Variants in VRK2 observed in about 807,000 individuals in gnomAD.
VRK2 encodes the protein VRK serine/threonine kinase 2, also known as serine/threonine-protein kinase VRK2.
VRK2 carries 60 observed loss-of-function variants against 57.6 expected under a neutral mutation model. That is an observed-to-expected ratio of 1.04 (90% confidence interval 0.85 to 1.29). VRK2 has a LOEUF of 1.29. Among genes scored for constraint, VRK2 ranks in the 50% most tolerant of loss-of-function variants. The pLI is 0.00. For missense variants in VRK2, 705 were observed against 588.1 expected, an observed-to-expected ratio of 1.20 and a Z score of -2.06; for synonymous variants, 231 against 199.2, an observed-to-expected ratio of 1.16 and a Z score of -1.35.
upstream of VRK2, among the ~76,000 whole-genome samples, chr2:58,042,400 G>A (rs532737326): frequency 1.2e-4 from 19 of 152,248 alleles, no homozygotes; most frequent in Middle Eastern, 3.4e-3. Flanking sequence ...GCTGTTTAGA[G>A]ATTGTAAGTT....
At chr2:57,958,369 A>T (rs1358604643) in intron 1 of VRK2, among the ~76,000 whole-genome samples, 3 of 151,828 alleles carry the variant, frequency 2.0e-5, no homozygotes, top group Non-Finnish European at 4.4e-5. Context: ...GTCCCAGTTA[A>T]TTTGACAGCT....
At chr2:58,124,949 G>C (rs567216646) in intron 8 of VRK2, among the ~76,000 whole-genome samples, 2 of 152,186 alleles carry the variant, frequency 1.3e-5, no homozygotes, top group African/African-American at 4.8e-5. Context: ...AGAATTTAAA[G>C]ATAATATGGG....
At chr2:58,068,267 T>G (rs553192050) in intron 2 of VRK2, among the ~76,000 whole-genome samples, 21 of 152,206 alleles carry the variant, frequency 1.4e-4, no homozygotes, top group Non-Finnish European at 2.8e-4. Context: ...TGCTGACCAT[T>G]AATTCTCTTT....
intron 12 of VRK2, among the ~76,000 whole-genome samples, chr2:58,151,728 C>CTTAAATTTTTTT (rs1558707936): frequency 1.5e-4 from 1 of 6,480 alleles, no homozygotes; most frequent in Non-Finnish European, 3.2e-4. Flanking sequence ...TGCTTCTATG[C>CTTAAATTTTTTT]TTGTTTTTTT....
chr2:58,037,661 A>G (rs912235363), intron 3 of VRK2, among the ~76,000 whole-genome samples: 3 of 152,148 alleles, frequency 2.0e-5, no homozygotes, highest in African/African-American at 7.2e-5. Context: ...ATTCATATCT[A>G]AGGAGATATT....
At chr2:57,932,052 G>A (rs954736830) in intron 1 of VRK2, among the ~76,000 whole-genome samples, 1 of 152,068 alleles carries the variant, frequency 6.6e-6, no homozygotes, top group Non-Finnish European at 1.5e-5. Context: ...CAAGAAGTGT[G>A]ATGCCTACTT....
intron 1 of VRK2, among the ~76,000 whole-genome samples, chr2:57,993,930 G>C (rs1329604189): frequency 6.6e-6 from 1 of 152,098 alleles, no homozygotes; most frequent in Non-Finnish European, 1.5e-5. Flanking sequence ...GTCAGTTCTT[G>C]GTCAAAGTAT....
intron 12 of VRK2, among the ~76,000 whole-genome samples, chr2:58,157,247 G>C (rs530709564): frequency 6.6e-6 from 1 of 152,160 alleles, no homozygotes; most frequent in East Asian, 1.9e-4. Context: ...AGTGGAAGTA[G>C]TGTTGCTATT....
At chr2:58,122,298 C>T (rs553247872) in intron 7 of VRK2, among the ~76,000 whole-genome samples, 10 of 152,264 alleles carry the variant, frequency 6.6e-5, no homozygotes, top group East Asian at 1.9e-4. Context: ...CCCCACTCCC[C>T]TGCACAGTCA....
chr2:58,007,893 T>C (rs948650008), intron 1 of VRK2, among the ~76,000 whole-genome samples: 2 of 152,108 alleles, frequency 1.3e-5, no homozygotes, highest in African/African-American at 2.4e-5. Flanking sequence ...TCCAAGAACA[T>C]AACCTCATAA....
chr2:58,113,646 C>G (rs1675931390), intron 7 of VRK2, among the ~76,000 whole-genome samples: 1 of 151,858 alleles, frequency 6.6e-6, no homozygotes, highest in South Asian at 2.1e-4. Flanking sequence ...ACAAGGTGCT[C>G]AGTGGGGGAG....
At chr2:57,971,366 A>C (rs1277545555) in intron 1 of VRK2, among the ~76,000 whole-genome samples, 1 of 151,982 alleles carries the variant, frequency 6.6e-6, no homozygotes, top group East Asian at 1.9e-4. Flanking sequence ...CCATAAAGAA[A>C]GCAGGGTTCA....
Position 57,961,418 on chromosome 2 carries a change from A to T in VRK2, c.-439+53579A>T, listed in dbSNP as rs74716097. Reference sequence around the variant, plus strand: ...GAGAACAGGATGATGAGACAAGACAATAAGTCACAGATATAGTAAGATAAA... The same window carrying T: ...GAGAACAGGATGATGAGACAAGACATTAAGTCACAGATATAGTAAGATAAA... On this transcript the variant is annotated intron_variant, in intron 1 of 15. Coordinates refer to the VRK2 transcript ENST00000417641. Among the ~76,000 whole-genome samples the T allele has an allele frequency of 7.8e-3, 1,190 of 152,326 alleles. 19 individuals carry two copies. Among genetic ancestry groups the T allele is most frequent in the African/African-American group, 0.026 (1,081 of 41,574 alleles).
At chr2:57,982,540 G>A (rs566702994) in intron 1 of VRK2, among the ~76,000 whole-genome samples, 2 of 152,268 alleles carry the variant, frequency 1.3e-5, no homozygotes, top group African/African-American at 4.8e-5. Flanking sequence ...GCTGCAGGCT[G>A]GTATACATTG....
At chr2:57,930,340 T>C (rs910227703) in intron 1 of VRK2, among the ~76,000 whole-genome samples, 1 of 152,266 alleles carries the variant, frequency 6.6e-6, no homozygotes, top group East Asian at 1.9e-4. Context: ...ACTGTGACAG[T>C]ACAACTCTGA....
At chr2:58,014,296 T>A (rs549208166) in intron 1 of VRK2, among the ~76,000 whole-genome samples, 1 of 152,246 alleles carries the variant, frequency 6.6e-6, no homozygotes, top group African/African-American at 2.4e-5. Flanking sequence ...ATCAATACTG[T>A]ATGGTCAAAG....
chr2:58,014,690 T>A (rs1359258635), intron 1 of VRK2, among the ~76,000 whole-genome samples: 1 of 152,204 alleles, frequency 6.6e-6, no homozygotes, highest in Non-Finnish European at 1.5e-5. Flanking sequence ...CAAAGATGAA[T>A]ACGGCATGAT....
intron 2 of VRK2, among the ~76,000 whole-genome samples, chr2:58,030,705 T>A (rs1023021805): frequency 1.3e-5 from 2 of 152,012 alleles, no homozygotes; most frequent in African/African-American, 4.8e-5. Flanking sequence ...TCTTCTTAAG[T>A]CTGGGTGGGC....
At chr2:58,067,984 C>T (rs2103959818) in intron 2 of VRK2, among the ~76,000 whole-genome samples, 1 of 151,340 alleles carries the variant, frequency 6.6e-6, no homozygotes, top group East Asian at 1.9e-4. Context: ...GCCTGGAGTG[C>T]AGTGGCACAA....
Sources: gnomAD v4.1 joint callset for allele counts (sites outside exome capture counted in the v4.1 genomes callset) on GRCh38, gnomAD v4.1.1 for gene constraint, MANE v1.5 for transcripts, NCBI Gene and HGNC (gene_info 2026-07-23, HGNC 2026-07-21) for gene names.